The following HECW1 variants were observed in gnomAD, a reference collection of about 807,000 sequenced individuals.
The protein encoded by HECW1 is E3 ubiquitin-protein ligase HECW1.
Under a neutral mutation model 182.3 loss-of-function variants are expected in HECW1, and 61 were observed. The ratio of observed to expected loss-of-function variants is 0.33; its 90% CI spans 0.27 to 0.41. The LOEUF is 0.41. Ranked by LOEUF, HECW1 falls within the 10% of genes least tolerant of loss-of-function variation. HECW1 has a pLI of 1.00. For synonymous variants in HECW1, 859 were observed against 832.6 expected, an observed-to-expected ratio of 1.03 and a Z score of -0.55; for missense variants, 1,739 against 2,108.9, an observed-to-expected ratio of 0.82 and a Z score of 3.44.
At chr7:43,150,893 C>G (rs1789243691) in intron 2 of HECW1, 1 of 154,956 alleles carries the variant, frequency 6.5e-6, no homozygotes, top group African/African-American at 2.4e-5. Flanking sequence ...TCAGCGCCCC[C>G]CCACACAGAC....
At chr7:43,482,505 T>G (rs2078475644) in intron 17 of HECW1, among the ~76,000 whole-genome samples, 1 of 152,080 alleles carries the variant, frequency 6.6e-6, no homozygotes, top group East Asian at 1.9e-4. Context: ...CAAAAATACA[T>G]ACAGAGTTAA....
intron 3 of HECW1, among the ~76,000 whole-genome samples, chr7:43,283,792 G>T (rs2152749591): frequency 6.6e-6 from 1 of 152,330 alleles, no homozygotes; most frequent in South Asian, 2.1e-4. Flanking sequence ...ACTGGACACA[G>T]CTGGGAAAGG....
At chr7:43,481,079 A>G (rs2078417615) in intron 17 of HECW1, among the ~76,000 whole-genome samples, 1 of 152,170 alleles carries the variant, frequency 6.6e-6, no homozygotes, top group African/African-American at 2.4e-5. Flanking sequence ...CTTCATATAT[A>G]TAAGGTGTAT....
At chr7:43,179,992 T>C (rs374601262) in intron 2 of HECW1, among the ~76,000 whole-genome samples, 19 of 152,336 alleles carry the variant, frequency 1.2e-4, no homozygotes, top group African/African-American at 4.6e-4. Flanking sequence ...ATCAGACATC[T>C]CCAGCAACCT....
intron 5 of HECW1, among the ~76,000 whole-genome samples, chr7:43,349,095 C>T (rs867450063): frequency 3.9e-5 from 6 of 152,100 alleles, no homozygotes; most frequent in South Asian, 2.1e-4. Context: ...AATGCAATGG[C>T]GCACTCTCGG....
At chr7:43,497,990 GTGCTC>G (rs1321219605) in intron 19 of HECW1, among the ~76,000 whole-genome samples, 1 of 152,226 alleles carries the variant, frequency 6.6e-6, no homozygotes, top group African/African-American at 2.4e-5. Context: ...TAGGGAAAGT[GTGCTC>G]TGGAGTTCTC....
At chr7:43,264,605 G>A (rs1357758582) in intron 3 of HECW1, among the ~76,000 whole-genome samples, 1 of 151,974 alleles carries the variant, frequency 6.6e-6, no homozygotes, top group Non-Finnish European at 1.5e-5. Flanking sequence ...CAGCACTTTG[G>A]GAGGCCAAGG....
intron 23 of HECW1, 45 bp from the exon 24 acceptor site, chr7:43,508,924 C>T (rs1585129636): frequency 6.2e-7 from 1 of 1,602,752 alleles, no homozygotes; most frequent in South Asian, 1.1e-5. Flanking sequence ...GTCCCCCCAC[C>T]TCCGGGCACA....
chr7:43,114,418 T>C (rs1459354544), intron 2 of HECW1, 27 bp downstream of exon 2: 32 of 1,332,140 alleles, frequency 2.4e-5, no homozygotes, highest in Non-Finnish European at 3.1e-5. Context: ...TGGGGATTCA[T>C]TTAAAAATGT....
At chr7:43,392,600 T>A (rs1163900949) in intron 6 of HECW1, among the ~76,000 whole-genome samples, 1 of 152,202 alleles carries the variant, frequency 6.6e-6, no homozygotes, top group African/African-American at 2.4e-5. Flanking sequence ...CATAGCTGCT[T>A]ACCTCTGGGA....
intron 27 of HECW1, among the ~76,000 whole-genome samples, chr7:43,551,561 C>T (rs2081828646): frequency 6.6e-6 from 1 of 152,138 alleles, no homozygotes; most frequent in Non-Finnish European, 1.5e-5. Context: ...GGACTCTTGG[C>T]CTTTAAAATC....
intron 6 of HECW1, among the ~76,000 whole-genome samples, chr7:43,394,385 A>G (rs1177572924): frequency 1.3e-5 from 2 of 152,362 alleles, no homozygotes; most frequent in East Asian, 3.9e-4. Context: ...TCAAAATGCC[A>G]GGGATTTATT....
At chr7:43,261,191 AGAG>A (rs1378334015) in intron 3 of HECW1, among the ~76,000 whole-genome samples, 1 of 152,194 alleles carries the variant, frequency 6.6e-6, no homozygotes, top group East Asian at 1.9e-4. Context: ...GGAACTGATA[AGAG>A]AAGTTATGGC....
At chr7:43,303,785 G>T (rs2152764925) in intron 3 of HECW1, among the ~76,000 whole-genome samples, 1 of 152,140 alleles carries the variant, frequency 6.6e-6, no homozygotes, top group South Asian at 2.1e-4. Flanking sequence ...AGAGATGGTG[G>T]TTTAGCAGCC....
At chr7:43,460,159 A>G (rs1317684947) in intron 13 of HECW1, among the ~76,000 whole-genome samples, 1 of 152,222 alleles carries the variant, frequency 6.6e-6, no homozygotes, top group Non-Finnish European at 1.5e-5. Flanking sequence ...TTCTATTCCC[A>G]AAAGATTAGG....
chr7:43,501,806 A>G (rs899721813), intron 21 of HECW1, among the ~76,000 whole-genome samples: 5 of 152,086 alleles, frequency 3.3e-5, no homozygotes, highest in African/African-American at 9.7e-5. Context: ...CCTCCTGCCC[A>G]TACAACAAAG....
chr7:43,256,338 G>A (rs1271790758), intron 3 of HECW1, among the ~76,000 whole-genome samples: 2 of 152,102 alleles, frequency 1.3e-5, no homozygotes, highest in African/African-American at 2.4e-5. Flanking sequence ...GGCTGGGTAC[G>A]GTGGTTCACA....
intron 2 of HECW1, among the ~76,000 whole-genome samples, chr7:43,236,192 A>C (rs976969640): frequency 3.3e-5 from 5 of 152,238 alleles, no homozygotes; most frequent in Admixed American, 6.5e-5. Flanking sequence ...GAGCAATAGG[A>C]GTAAAGTCCT....
intron 2 of HECW1, among the ~76,000 whole-genome samples, chr7:43,221,537 GTTTTTTTTTTTTTTTTTTTTTT>G (rs71008897): frequency 2.2e-3 from 110 of 50,534 alleles, no homozygotes; most frequent in African/African-American, 7.4e-3. Context: ...GAGGAATTAG[GTTTTTTTTTTTTTTTTTTTTTT>G]TTTTTTTTTT....
Sources: allele counts gnomAD v4.1 joint callset (sites outside exome capture counted in the v4.1 genomes callset), GRCh38; gene constraint gnomAD v4.1.1; transcripts MANE v1.5; gene names NCBI Gene and HGNC (gene_info 2026-07-23, HGNC 2026-07-21).